Variants in ZMIZ1 observed in about 807,000 individuals in gnomAD.
ZMIZ1 encodes the protein zinc finger MIZ-type containing 1, also known as zinc finger MIZ domain-containing protein 1.
ZMIZ1 carries 17 observed loss-of-function variants against 113.9 expected under a neutral mutation model. That is an observed-to-expected ratio of 0.15 (90% CI 0.10 to 0.22). The LOEUF (loss-of-function observed/expected upper bound fraction) is 0.22, where lower values mean the gene tolerates loss of function less well. Ranked by LOEUF, ZMIZ1 falls within the 10% of genes least tolerant of loss-of-function variation. The probability of loss-of-function intolerance (pLI) is 1.00; values close to 1 mark genes in which losing one functional copy is unlikely to be tolerated. For synonymous variants in ZMIZ1, 607 were observed against 603.1 expected (o/e 1.01, Z -0.09); for missense variants, 1,059 against 1,477.8 (o/e 0.72, Z 4.65).
intron 1 of ZMIZ1, among the ~76,000 whole-genome samples, chr10:79,075,038 T>C (rs987959175): frequency 2.0e-5 from 3 of 152,348 alleles, no homozygotes; most frequent in African/African-American, 7.2e-5. Context: ...TTGTAACCAC[T>C]TGAAGGTTTC....
intron 1 of ZMIZ1, among the ~76,000 whole-genome samples, chr10:79,117,810 T>C (rs1228093690): frequency 6.6e-6 from 1 of 152,218 alleles, no homozygotes; most frequent in African/African-American, 2.4e-5. Flanking sequence ...AGGGGCTTCC[T>C]GTGATGTCCC....
chr10:79,290,639 G>A, intron 9 of ZMIZ1: 3 of 540,968 alleles, frequency 5.5e-6, no homozygotes, highest in East Asian at 4.1e-5. Flanking sequence ...CGGGTACCTG[G>A]TACAAGAGCA....
At chr10:79,208,060 T>G (rs991179067) in intron 5 of ZMIZ1, among the ~76,000 whole-genome samples, 5 of 120,918 alleles carry the variant, frequency 4.1e-5, no homozygotes, top group Admixed American at 9.1e-5. Flanking sequence ...GGGGTAGAGG[T>G]GGAGGTGAGG....
intron 1 of ZMIZ1, among the ~76,000 whole-genome samples, chr10:79,095,132 A>G (rs1843128842): frequency 6.6e-6 from 1 of 152,112 alleles, no homozygotes; most frequent in African/African-American, 2.4e-5. Flanking sequence ...GACCTTGGGC[A>G]TTTGACTTCC....
intron 1 of ZMIZ1, among the ~76,000 whole-genome samples, chr10:79,076,432 A>G (rs1246414963): frequency 6.6e-6 from 1 of 151,624 alleles, no homozygotes; most frequent in Non-Finnish European, 1.5e-5. Context: ...GCATTCCCAG[A>G]CTCCCAGATC....
chr10:79,248,433 C>A (rs920509405), intron 7 of ZMIZ1, among the ~76,000 whole-genome samples: 2 of 152,128 alleles, frequency 1.3e-5, no homozygotes, highest in Non-Finnish European at 2.9e-5. Flanking sequence ...ACCTTCAGGG[C>A]AGTGGGGAGC....
chr10:79,223,859 G>A (rs911825451), intron 7 of ZMIZ1, among the ~76,000 whole-genome samples: 2 of 152,198 alleles, frequency 1.3e-5, no homozygotes, highest in African/African-American at 4.8e-5. Context: ...TGAGGCCTGA[G>A]ATCCGGTGGC....
chr10:79,260,014 G>A (rs867593682), intron 7 of ZMIZ1, among the ~76,000 whole-genome samples: 3 of 152,174 alleles, frequency 2.0e-5, no homozygotes, highest in Non-Finnish European at 2.9e-5. Context: ...TCACGTTTCC[G>A]GTCTGGTCAT....
intron 1 of ZMIZ1, among the ~76,000 whole-genome samples, chr10:79,075,239 G>T (rs1271805038): frequency 6.6e-6 from 1 of 152,160 alleles, no homozygotes; most frequent in African/African-American, 2.4e-5. Context: ...AGTGGACATA[G>T]CCCTTTGAGA....
At chr10:79,282,875 C>T (rs1409127840) in intron 8 of ZMIZ1, among the ~76,000 whole-genome samples, 1 of 152,242 alleles carries the variant, frequency 6.6e-6, no homozygotes. Flanking sequence ...GGATACTATA[C>T]AAGAGAAGGT....
At chr10:79,147,731 G>C (rs941363453) in intron 3 of ZMIZ1, among the ~76,000 whole-genome samples, 7 of 152,194 alleles carry the variant, frequency 4.6e-5, no homozygotes, top group African/African-American at 1.7e-4. Context: ...CATTGTTGCA[G>C]GGCTCAGGAA....
chr10:79,074,020 C>T (rs112348549), intron 1 of ZMIZ1, among the ~76,000 whole-genome samples: 56 of 152,328 alleles, frequency 3.7e-4, no homozygotes, highest in African/African-American at 1.1e-3. Flanking sequence ...CTGCCTGCCA[C>T]GGGCGCGTGA....
chr10:79,281,719 C>G (rs73304168), intron 8 of ZMIZ1, among the ~76,000 whole-genome samples: 5,099 of 152,306 alleles, frequency 0.033, 113 homozygotes, highest in Middle Eastern at 0.054. Context: ...AGCGAGGCTT[C>G]CTCGTGGGAG....
At chr10:79,246,344 G>A (rs1850195295) in intron 7 of ZMIZ1, among the ~76,000 whole-genome samples, 2 of 152,260 alleles carry the variant, frequency 1.3e-5, no homozygotes, top group South Asian at 4.1e-4. Context: ...TGATCGGGCG[G>A]GAGCGCCAGC....
intron 6 of ZMIZ1, among the ~76,000 whole-genome samples, chr10:79,212,786 G>T (rs1589431315): frequency 6.6e-6 from 1 of 151,800 alleles, no homozygotes; most frequent in East Asian, 1.9e-4. Flanking sequence ...AAAAATTTGT[G>T]TACAGATGAG....
intron 7 of ZMIZ1, among the ~76,000 whole-genome samples, chr10:79,256,254 G>A (rs776253519): frequency 2.6e-5 from 4 of 152,162 alleles, no homozygotes; most frequent in Admixed American, 6.5e-5. Context: ...ATTCTGGGGG[G>A]CCTCCTCAGC....
At chr10:79,094,231 G>A (rs1238732751) in intron 1 of ZMIZ1, among the ~76,000 whole-genome samples, 3 of 152,102 alleles carry the variant, frequency 2.0e-5, no homozygotes, top group Non-Finnish European at 4.4e-5. Flanking sequence ...CTGCAGCCGG[G>A]CCTGTTTACC....
chr10:79,165,131 G>A (rs1043787228), intron 4 of ZMIZ1, among the ~76,000 whole-genome samples: 2 of 152,162 alleles, frequency 1.3e-5, no homozygotes, highest in Non-Finnish European at 2.9e-5. Context: ...TCAGACCTAG[G>A]TCTGATATGC....
At chr10:79,196,653 C>A (rs571206808) in intron 4 of ZMIZ1, among the ~76,000 whole-genome samples, 2 of 152,306 alleles carry the variant, frequency 1.3e-5, no homozygotes, top group South Asian at 2.1e-4. Flanking sequence ...CCTGGGCCCC[C>A]GCTATGACTA....
Sources: gnomAD v4.1 joint callset for allele counts (sites outside exome capture counted in the v4.1 genomes callset) on GRCh38, gnomAD v4.1.1 for gene constraint, MANE v1.5 for transcripts, NCBI Gene and HGNC (gene_info 2026-07-23, HGNC 2026-07-21) for gene names.